The following LYST variants were observed in gnomAD, a reference collection of about 807,000 sequenced individuals.
LYST encodes the protein lysosomal trafficking regulator, also known as lysosomal-trafficking regulator.
A neutral mutation model predicts 413.6 loss-of-function variants in LYST; 192 were observed. That is an observed-to-expected ratio of 0.46 (90% confidence interval 0.41 to 0.52). The LOEUF is 0.52. LYST is among the 20% of genes least tolerant of loss of function. The probability of loss-of-function intolerance (pLI) is 0.00; values close to 1 mark genes in which losing one functional copy is unlikely to be tolerated. For synonymous variants in LYST, 1,525 were observed against 1,567.3 expected (o/e 0.97, Z 0.64); for missense variants, 3,815 against 4,499.9 (o/e 0.85, Z 4.35).
intron 48 of LYST, among the ~76,000 whole-genome samples, chr1:235,678,109 G>T (rs1008821504): frequency 6.6e-6 from 1 of 151,154 alleles, no homozygotes; most frequent in Non-Finnish European, 1.5e-5. Flanking sequence ...TAGATTAGAG[G>T]GCAGACCTTT....
intron 30 of LYST, among the ~76,000 whole-genome samples, 179 bp from the exon 31 acceptor site, chr1:235,741,807 T>C (rs1236516975): frequency 6.6e-6 from 1 of 152,176 alleles, no homozygotes; most frequent in African/African-American, 2.4e-5. Flanking sequence ...GAGATGGGCA[T>C]ACAACATTCA....
chr1:235,802,193 CAAAAAAAAAAAAAA>C (rs35511208), intron 8 of LYST, among the ~76,000 whole-genome samples: 3 of 45,076 alleles, frequency 6.7e-5, no homozygotes, highest in East Asian at 8.2e-4. Flanking sequence ...GACTCCATTT[CAAAAAAAAAAAAAA>C]AAAAAAAAAA....
intron 36 of LYST, among the ~76,000 whole-genome samples, chr1:235,730,030 T>C (rs1042314845): frequency 2.0e-5 from 3 of 151,862 alleles, no homozygotes; most frequent in Non-Finnish European, 2.9e-5. Flanking sequence ...TATTATTTTG[T>C]ATTATTTATT....
At chr1:235,691,036 C>T (rs1381723065) in intron 47 of LYST, among the ~76,000 whole-genome samples, 1 of 152,068 alleles carries the variant, frequency 6.6e-6, no homozygotes, top group Non-Finnish European at 1.5e-5. Context: ...CCTGCCTCAG[C>T]CTCCCGAGTA....
intron 45 of LYST, among the ~76,000 whole-genome samples, chr1:235,702,178 C>T (rs1466973298): frequency 1.3e-5 from 2 of 152,102 alleles, no homozygotes; most frequent in Non-Finnish European, 2.9e-5. Context: ...GATTAAAATC[C>T]ACTTTAGCTT....
rs1260612327 is a variant in LYST, at chr1:235,759,253, G to C, written c.6600C>G (p.Val2200=). The C allele has an allele frequency of 2.5e-6, 4 of 1,614,138 alleles. No individual in the cohort carries two copies. The highest frequency in any genetic ancestry group is 3.3e-5 in the Admixed American group (2 of 60,014). ...VPKGVLGFPV[V]KADHKQLGAE... ...CTCCCAACTGTTTATGATCTGCTTT[G>C]ACCACTGGAAATCCCAGCACTCCCT... The change falls in exon 23 of 53, where the codon GTC becomes GTG. Residue 2200 remains valine (V), a synonymous_variant. Coordinates refer to ENST00000389793, the MANE Select transcript of LYST (RefSeq NM_000081.4).
intron 5 of LYST, among the ~76,000 whole-genome samples, chr1:235,807,228 G>A (rs1199345085): frequency 6.6e-6 from 1 of 152,140 alleles, no homozygotes; most frequent in Non-Finnish European, 1.5e-5. Context: ...CCTTATGAAG[G>A]GAAAGAATCA....
At chr1:235,704,723 GT>G (rs1178956709) in intron 44 of LYST, among the ~76,000 whole-genome samples, 7 of 100,718 alleles carry the variant, frequency 7.0e-5, no homozygotes, top group African/African-American at 8.6e-5. Context: ...TCTATTGATA[GT>G]TTTTTTTCCT....
chr1:235,755,940 A>G (rs1045309157), intron 24 of LYST, among the ~76,000 whole-genome samples: 4 of 152,176 alleles, frequency 2.6e-5, no homozygotes. Flanking sequence ...GAGTATAAAT[A>G]GAATATTTGT....
chr1:235,826,512 T>C (rs1403260963), intron 3 of LYST, among the ~76,000 whole-genome samples: 1 of 152,278 alleles, frequency 6.6e-6, no homozygotes, highest in East Asian at 1.9e-4. Context: ...GAGTACATAC[T>C]ACATGATTCC....
intron 31 of LYST, among the ~76,000 whole-genome samples, chr1:235,740,133 G>GA (rs1401156989): frequency 1.3e-5 from 2 of 152,140 alleles, no homozygotes. Context: ...CAGTGTACTT[G>GA]AAAGTGTCTT....
chr1:235,736,714 A>T (rs779379929), intron 31 of LYST: 1 of 152,176 alleles, frequency 6.6e-6, no homozygotes, highest in Non-Finnish European at 1.5e-5. Context: ...GATCTCTAGG[A>T]TATACTAAGT....
chr1:235,700,215 T>A (rs1251953498), intron 45 of LYST, among the ~76,000 whole-genome samples: 1 of 152,058 alleles, frequency 6.6e-6, no homozygotes, highest in East Asian at 1.9e-4. Context: ...GCAATTGCAA[T>A]AAGAGCCAAA....
At chr1:235,839,107 G>A (rs1676906263) in intron 1 of LYST, among the ~76,000 whole-genome samples, 1 of 152,084 alleles carries the variant, frequency 6.6e-6, no homozygotes, top group Non-Finnish European at 1.5e-5. Flanking sequence ...TTACAGGCGT[G>A]AGCCACTGCA....
At chr1:235,676,970 T>C (rs1659428405) in intron 50 of LYST, 121 bp downstream of exon 50, 1 of 757,166 alleles carries the variant, frequency 1.3e-6, no homozygotes, top group Non-Finnish European at 2.4e-6. Context: ...ATACATGCTG[T>C]TACCAAAGTA....
chr1:235,775,166 G>T, intron 17 of LYST, 80 bp from the exon 18 acceptor site: 2 of 982,516 alleles, frequency 2.0e-6, no homozygotes, highest in Admixed American at 1.8e-5. Context: ...CTTCCATTCT[G>T]TAACATCAAT....
chr1:235,809,644 A>C lies in LYST; in HGVS notation c.1174T>G (p.Ser392Ala). The C allele has an allele frequency of 6.2e-7, 1 of 1,614,134 alleles. No homozygotes were observed. Among genetic ancestry groups the C allele is most frequent in the Non-Finnish European group, 8.5e-7 (1 of 1,179,994 alleles). Residue 392 changes from serine to alanine, a missense_variant, in exon 5 of 53, where the codon TCA becomes GCA. This residue lies in a region of LYST where 1,648 missense variants were observed against 1,810.3 expected (regional missense o/e 0.91). Coordinates refer to ENST00000389793, the MANE Select transcript of LYST (RefSeq NM_000081.4). The surrounding 1 kb of genome is among the most constrained non-coding windows in gnomAD (Gnocchi z 4.0). Reference protein sequence around the residue: ...LQEVQEDFVFSKYRHRALLLP... With the variant: ...LQEVQEDFVFAKYRHRALLLP... Reference sequence around the variant, plus strand: ...AGAAGGGCTCTATGACGATACTTTGAAAACACAAAATCTTCCTGAACCTCC... The same window carrying C: ...AGAAGGGCTCTATGACGATACTTTGCAAACACAAAATCTTCCTGAACCTCC...
chr1:235,664,733 T>C lies in LYST; in HGVS notation c.11039-112A>G. Reference sequence around the variant, plus strand: ...CAAGCTCATTTGTTTATTGATGAAGTTTGTAGACAACCCATGACTGAAGAC... The same window carrying C: ...CAAGCTCATTTGTTTATTGATGAAGCTTGTAGACAACCCATGACTGAAGAC... On this transcript the variant is annotated intron_variant, in intron 50 of 52. Transcript: ENST00000389793. This position sits in a 1 kb window ranked among gnomAD's most constrained non-coding sequence, Gnocchi z 4.5. 1 of 883,366 alleles carries C rather than the reference T, an allele frequency of 1.1e-6. No individual in the cohort carries two copies. Among genetic ancestry groups the C allele is most frequent in the Non-Finnish European group, 1.9e-6 (1 of 534,844 alleles). The allele number at this position is 883,366 out of a possible 1,614,324, so 54.7% of individuals were successfully genotyped here.
At chr1:235,815,882 C>T (rs542676638) in intron 3 of LYST, among the ~76,000 whole-genome samples, 1 of 152,156 alleles carries the variant, frequency 6.6e-6, no homozygotes, top group African/African-American at 2.4e-5. Flanking sequence ...CCTGTAATCC[C>T]AACACTTTGG....
Sources: allele counts gnomAD v4.1 joint callset (sites outside exome capture counted in the v4.1 genomes callset), GRCh38; gene constraint gnomAD v4.1.1; regional missense constraint gnomAD v4.1.1; non-coding constraint Gnocchi (gnomAD v3.1); transcripts MANE v1.5; gene names NCBI Gene and HGNC (gene_info 2026-07-23, HGNC 2026-07-21).